Variants in GPR19 observed in about 807,000 individuals in gnomAD.
The protein encoded by GPR19 is probable G protein-coupled receptor 19.
A neutral mutation model predicts 28.5 loss-of-function variants in GPR19; 14 were observed. The observed-to-expected ratio is 0.49, with a 90% CI of 0.32 to 0.77. The LOEUF is 0.77. Among genes scored for constraint, GPR19 ranks in the 30% least tolerant of loss-of-function variants. The probability of loss-of-function intolerance (pLI) is 0.03; values close to 1 mark genes in which losing one functional copy is unlikely to be tolerated. For synonymous variants in GPR19, 173 were observed against 184.1 expected (o/e 0.94, Z 0.49); for missense variants, 409 against 504.1 (o/e 0.81, Z 1.81).
rs1030770527 is a variant in GPR19, at chr12:12,665,556, C to T, written c.-22-3086G>A. ...GGCTAGGTATTAAGAAAACAAAGAT[C>T]GGCCGAGCGCGGTGGCTCACGCCTG... On this transcript the variant is annotated intron_variant, in intron 3 of 3. Coordinates refer to ENST00000651487, the MANE Select transcript of GPR19 (RefSeq NM_006143.3). 6.6e-5 allele frequency among the ~76,000 whole-genome samples: 10 copies of T among 152,178 alleles called. 1 individual carries two copies. Among genetic ancestry groups the T allele is most frequent in the Admixed American group, 5.9e-4 (9 of 15,280 alleles).
At chr12:12,667,544 A>G (rs1036262389) in intron 3 of GPR19, among the ~76,000 whole-genome samples, 3 of 151,948 alleles carry the variant, frequency 2.0e-5, no homozygotes, top group South Asian at 2.1e-4. Flanking sequence ...TACATAAATT[A>G]GCCAGGCGTG....
At chr12:12,665,787 A>G (rs1048469707) in intron 3 of GPR19, among the ~76,000 whole-genome samples, 1 of 128,114 alleles carries the variant, frequency 7.8e-6, no homozygotes, top group Non-Finnish European at 1.6e-5. Flanking sequence ...CAGTGAGCCG[A>G]GCAGCCTGGG....
chr12:12,674,794 A>G (rs1484634992), intron 3 of GPR19, among the ~76,000 whole-genome samples: 1 of 152,258 alleles, frequency 6.6e-6, no homozygotes, highest in Non-Finnish European at 1.5e-5. Context: ...TAGATATACA[A>G]TGGTAAACCA....
chr12:12,704,418 C>G, the GPR19 span, among the ~76,000 whole-genome samples: 3 of 152,186 alleles, frequency 2.0e-5, no homozygotes, highest in Admixed American at 6.5e-5. Context: ...AGTAGAATCG[C>G]TTGAACCCAA....
chr12:12,717,026 C>G, the GPR19 span: 2 of 1,002,446 alleles, frequency 2.0e-6, no homozygotes, highest in Non-Finnish European at 2.4e-6. Context: ...GAGGTCGGGG[C>G]TTAGGCGCCG....
chr12:12,675,753 G>T (rs986811088), intron 3 of GPR19, among the ~76,000 whole-genome samples: 2 of 152,106 alleles, frequency 1.3e-5, no homozygotes, highest in African/African-American at 4.8e-5. Context: ...CAAGGAAATA[G>T]GATCTTAGTC....
chr12:12,665,593 C>T (rs1945759516), intron 3 of GPR19, among the ~76,000 whole-genome samples: 2 of 152,076 alleles, frequency 1.3e-5, no homozygotes, highest in Admixed American at 6.6e-5. Context: ...AATCCCAGCA[C>T]TTTGGGAGGC....
intron 2 of GPR19, among the ~76,000 whole-genome samples, chr12:12,689,392 T>G (rs757682485): frequency 2.6e-5 from 4 of 152,120 alleles, no homozygotes; most frequent in African/African-American, 4.8e-5. Context: ...GGAGGTACCC[T>G]CTCTCTCATC....
At chr12:12,699,019 T>A (rs913508987), upstream of GPR19, among the ~76,000 whole-genome samples, 2 of 152,110 alleles carry the variant, frequency 1.3e-5, no homozygotes, top group Non-Finnish European at 2.9e-5. Flanking sequence ...AGTATGAGCA[T>A]TGAAATTAGC....
rs1946255023 is a variant in GPR19 at position 12,696,107 on chromosome 12, GT to G, written c.-276del. ...CCTGCAAAATCTCATAGAATGTGGTGTTGTGTACGTGAATCCATCAGATCAA... is the reference window on the plus strand; with the variant it reads ...CCTGCAAAATCTCATAGAATGTGGTGTGTGTACGTGAATCCATCAGATCAA... On this transcript the variant is annotated 5_prime_UTR_variant, in exon 1 of 4. It removes the in-frame stop codon of an upstream open reading frame in the 5' UTR. Coordinates refer to ENST00000651487, the MANE Select transcript of GPR19 (RefSeq NM_006143.3). 6.6e-6 allele frequency: 1 copy of G among 152,174 alleles called. No homozygotes were observed. Among genetic ancestry groups the G allele is most frequent in the South Asian group, 2.1e-4 (1 of 4,838 alleles). The allele number at this position is 152,174 out of a possible 1,614,324, so 9.4% of individuals were successfully genotyped here.
intron 3 of GPR19, among the ~76,000 whole-genome samples, chr12:12,677,378 G>A (rs1945948130): frequency 6.6e-6 from 1 of 151,828 alleles, no homozygotes; most frequent in African/African-American, 2.4e-5. Flanking sequence ...GCTAATTTTT[G>A]TATTTTTAGT....
chr12:12,666,780 A>G (rs1357104033), intron 3 of GPR19, among the ~76,000 whole-genome samples: 1 of 152,226 alleles, frequency 6.6e-6, no homozygotes, highest in African/African-American at 2.4e-5. Flanking sequence ...TGCTAGGAGA[A>G]TTAAATGCAC....
chr12:12,717,028 TA>T, the GPR19 span: 1 of 1,002,666 alleles, frequency 1.0e-6, no homozygotes, highest in Middle Eastern at 5.0e-4. Flanking sequence ...GGTCGGGGCT[TA>T]GGCGCCGCGG....
chr12:12,710,076 G>T, the GPR19 span, among the ~76,000 whole-genome samples: 1 of 152,132 alleles, frequency 6.6e-6, no homozygotes, highest in African/African-American at 2.4e-5. Context: ...ATGCAGCCAG[G>T]TGCGGTGGCT....
chr12:12,664,163 T>C (rs1158527116), intron 3 of GPR19, among the ~76,000 whole-genome samples: 2 of 152,144 alleles, frequency 1.3e-5, no homozygotes, highest in Non-Finnish European at 2.9e-5. Context: ...CTAATTTTTG[T>C]ATTTTTAGTA....
chr12:12,662,133 A>G lies in GPR19; in HGVS notation c.316T>C (p.Ser106Pro). ...ATGAGAAGGTCAGCACATGCCATGG[A>G]GACCACAAAGTAGTTGGTGGTAGAC... is the stretch of plus-strand genomic sequence containing the variant. ...TQSTTNYFVV[S>P]MACADLLISV... The change falls in exon 4 of 4, where the codon TCC (serine) becomes CCC (proline). Residue 106 changes from serine (S) to proline (P), a missense_variant. Transcript: ENST00000651487. The G allele has an allele frequency of 1.9e-6, 3 of 1,614,156 alleles. No individual in the cohort carries two copies. The highest frequency in any genetic ancestry group is 2.5e-6 in the Non-Finnish European group (3 of 1,179,938).
At chr12:12,713,135 G>A in the GPR19 span, among the ~76,000 whole-genome samples, 4 of 148,484 alleles carry the variant, frequency 2.7e-5, no homozygotes, top group East Asian at 2.0e-4. Context: ...CACGATCTTG[G>A]CTCACTATAA....
intron 2 of GPR19, among the ~76,000 whole-genome samples, chr12:12,687,663 TG>T (rs1340177143): frequency 6.6e-6 from 1 of 152,250 alleles, no homozygotes; most frequent in Non-Finnish European, 1.5e-5. Flanking sequence ...GGGATAGTAC[TG>T]AGAAAGTGAA....
At chr12:12,708,037 T>C in the GPR19 span, among the ~76,000 whole-genome samples, 1 of 132,264 alleles carries the variant, frequency 7.6e-6, no homozygotes, top group Non-Finnish European at 1.6e-5. Context: ...CCTAGCTCTG[T>C]CGCCCAGGCT....
Sources: allele counts gnomAD v4.1 joint callset (sites outside exome capture counted in the v4.1 genomes callset), GRCh38; gene constraint gnomAD v4.1.1; transcripts MANE v1.5; gene names NCBI Gene and HGNC (gene_info 2026-07-23, HGNC 2026-07-21).